Variants in SNTG1 observed in about 807,000 individuals in gnomAD.
SNTG1 encodes the protein gamma-1-syntrophin.
In SNTG1, 39 loss-of-function variants were observed where a neutral mutation model predicts 74.7. That is an observed-to-expected ratio of 0.52 (90% CI 0.40 to 0.68). The LOEUF (loss-of-function observed/expected upper bound fraction) is 0.68, where lower values mean the gene tolerates loss of function less well. Among genes scored for constraint, SNTG1 ranks in the 30% least tolerant of loss-of-function variants. The probability of loss-of-function intolerance (pLI) is 0.00; values close to 1 mark genes in which losing one functional copy is unlikely to be tolerated. For missense variants in SNTG1, 685 were observed against 609.5 expected (o/e 1.12, Z -1.30); for synonymous variants, 254 against 217.1 (o/e 1.17, Z -1.49).
chr8:49,941,411 C>T (rs1808672148), intron 1 of SNTG1, among the ~76,000 whole-genome samples: 1 of 150,312 alleles, frequency 6.7e-6, no homozygotes, highest in Non-Finnish European at 1.5e-5. Context: ...TTTCTTCTGA[C>T]TTTTCCTCTG....
At chr8:50,760,342 G>A (rs182992475) in intron 18 of SNTG1, among the ~76,000 whole-genome samples, 1 of 151,148 alleles carries the variant, frequency 6.6e-6, no homozygotes, top group East Asian at 2.0e-4. Context: ...TATTTCTTTT[G>A]ACTGATTGCC....
chr8:49,986,826 G>A (rs186225191), intron 1 of SNTG1, among the ~76,000 whole-genome samples: 5 of 152,168 alleles, frequency 3.3e-5, no homozygotes, highest in Admixed American at 1.3e-4. Context: ...GGCCATGATC[G>A]TGCCACTGCA....
At chr8:50,779,205 T>C (rs546542517) in intron 18 of SNTG1, among the ~76,000 whole-genome samples, 2 of 152,342 alleles carry the variant, frequency 1.3e-5, no homozygotes, top group East Asian at 3.9e-4. Context: ...TGGTTCCATA[T>C]GAACTTTAAA....
intron 1 of SNTG1, among the ~76,000 whole-genome samples, chr8:50,049,416 T>A (rs1819376945): frequency 6.6e-6 from 1 of 152,174 alleles, no homozygotes; most frequent in South Asian, 2.1e-4. Context: ...TTATTATATT[T>A]ATGCATGGAT....
chr8:50,024,936 G>T (rs191812399), intron 1 of SNTG1, among the ~76,000 whole-genome samples: 1 of 152,140 alleles, frequency 6.6e-6, no homozygotes, highest in East Asian at 1.9e-4. Context: ...TACTCAGTAT[G>T]CATGCAATTT....
In SNTG1 at chr8:49,912,038, T is replaced by C. The variant is rs1188761486; in HGVS notation, c.-296T>C. On this transcript the variant is annotated 5_prime_UTR_variant, in exon 1 of 19. Transcript: ENST00000642720. ...TGGAGGAGAGTAAAGTCGAAGTTCT[T>C]AGAAGCTCTGAGAAATCATGGGCCG... 6.6e-6 allele frequency: 1 copy of C among 152,280 alleles called. No individual in the cohort carries two copies. The highest frequency in any genetic ancestry group is 1.9e-4 in the East Asian group (1 of 5,198). 9.4% of individuals were successfully genotyped at this position (152,280 alleles called of 1,614,324 possible).
At chr8:50,733,323 A>G (rs957968149) in intron 17 of SNTG1, among the ~76,000 whole-genome samples, 9 of 151,626 alleles carry the variant, frequency 5.9e-5, no homozygotes, top group South Asian at 2.1e-4. Flanking sequence ...TTTTTTTCCA[A>G]TCTACCATTG....
intron 8 of SNTG1, among the ~76,000 whole-genome samples, chr8:50,498,061 T>G (rs1183670493): frequency 6.6e-6 from 1 of 151,956 alleles, no homozygotes; most frequent in East Asian, 1.9e-4. Context: ...AAAATACAGC[T>G]GCTATGAATA....
chr8:50,557,097 G>A (rs537050879), intron 12 of SNTG1, among the ~76,000 whole-genome samples: 2 of 152,106 alleles, frequency 1.3e-5, no homozygotes, highest in Admixed American at 1.3e-4. Context: ...TTTCTGCCCT[G>A]GAAAGTGGGG....
chr8:50,632,391 A>G (rs1287588493), intron 13 of SNTG1, among the ~76,000 whole-genome samples: 1 of 151,560 alleles, frequency 6.6e-6, no homozygotes, highest in African/African-American at 2.4e-5. Context: ...GCTCACTGCA[A>G]CCTCTGCCTC....
intron 2 of SNTG1, among the ~76,000 whole-genome samples, chr8:50,359,753 A>G (rs955965013): frequency 6.6e-6 from 1 of 152,220 alleles, no homozygotes; most frequent in Non-Finnish European, 1.5e-5. Flanking sequence ...GATAAATTTT[A>G]AGGTAGAAAA....
At chr8:50,495,774 C>A (rs577712226) in intron 8 of SNTG1, among the ~76,000 whole-genome samples, 123 of 152,224 alleles carry the variant, frequency 8.1e-4, no homozygotes, top group African/African-American at 2.3e-3. Flanking sequence ...AATGTATATA[C>A]CTGCAGGAAA....
intron 13 of SNTG1, among the ~76,000 whole-genome samples, chr8:50,624,896 C>T (rs369631047): frequency 2.6e-5 from 4 of 152,140 alleles, no homozygotes; most frequent in Admixed American, 6.5e-5. Context: ...CACACGGAGA[C>T]GTTCATAGAG....
intron 13 of SNTG1, among the ~76,000 whole-genome samples, chr8:50,638,617 G>T (rs1330208665): frequency 6.6e-6 from 1 of 152,022 alleles, no homozygotes; most frequent in East Asian, 1.9e-4. Flanking sequence ...TTCCGATGAA[G>T]AATCAAAGCA....
At chr8:50,200,046 C>T (rs566921835) in intron 2 of SNTG1, among the ~76,000 whole-genome samples, 3 of 152,266 alleles carry the variant, frequency 2.0e-5, no homozygotes, top group Admixed American at 2.0e-4. Context: ...TGCTTACCTT[C>T]ATGTGCCTAC....
intron 1 of SNTG1, among the ~76,000 whole-genome samples, chr8:50,020,611 T>A (rs978098705): frequency 2.0e-5 from 3 of 152,160 alleles, no homozygotes; most frequent in African/African-American, 7.2e-5. Flanking sequence ...ATTTTATTGT[T>A]GTTTGATTGG....
chr8:50,516,544 C>A (rs1585542578), intron 9 of SNTG1, among the ~76,000 whole-genome samples: 1 of 151,994 alleles, frequency 6.6e-6, no homozygotes, highest in African/African-American at 2.4e-5. Context: ...AGATAAAAAC[C>A]TTTAAAAAAA....
intron 1 of SNTG1, among the ~76,000 whole-genome samples, chr8:50,136,276 T>G (rs2081473578): frequency 6.6e-6 from 1 of 152,138 alleles, no homozygotes; most frequent in Non-Finnish European, 1.5e-5. Flanking sequence ...ATGCCCAGTA[T>G]TGGAATGCTG....
intron 12 of SNTG1, among the ~76,000 whole-genome samples, chr8:50,554,824 G>C (rs1440033446): frequency 6.6e-6 from 1 of 152,046 alleles, no homozygotes; most frequent in East Asian, 1.9e-4. Context: ...GAAATGATTA[G>C]AGTTTCTTAA....
Sources: gnomAD v4.1 joint callset for allele counts (sites outside exome capture counted in the v4.1 genomes callset) on GRCh38, gnomAD v4.1.1 for gene constraint, MANE v1.5 for transcripts, NCBI Gene and HGNC (gene_info 2026-07-23, HGNC 2026-07-21) for gene names.